BPIFB2: variants seen among roughly 807,000 people sequenced by gnomAD.
BPIFB2 encodes BPI fold-containing family B member 2.
In BPIFB2, 39 loss-of-function variants were observed where a neutral mutation model predicts 50.1. The ratio of observed to expected loss-of-function variants is 0.78; its 90% confidence interval spans 0.60 to 1.02. BPIFB2 has a LOEUF of 1.02. BPIFB2 is among the 50% of genes least tolerant of loss of function. BPIFB2 has a pLI of 0.00. For synonymous variants in BPIFB2, 280 were observed against 256.3 expected, an observed-to-expected ratio of 1.09 and a Z score of -0.88; for missense variants, 574 against 585.8, an observed-to-expected ratio of 0.98 and a Z score of 0.21.
chr20:33,018,950 T>A, intron 9 of BPIFB2, 112 bp from the exon 10 acceptor site: 1 of 1,574,320 alleles, frequency 6.4e-7, no homozygotes, highest in Non-Finnish European at 8.7e-7. Flanking sequence ...AGGGTGGCTG[T>A]TGGAAGGGTT....
intron 6 of BPIFB2, among the ~76,000 whole-genome samples, chr20:33,016,086 G>A (rs1978416736): frequency 6.6e-6 from 1 of 152,016 alleles, no homozygotes; most frequent in South Asian, 2.1e-4. Context: ...GGTAGCCCAG[G>A]GGCTAGGGTC....
At chr20:33,016,670 G>C (rs1978441985) in intron 6 of BPIFB2, among the ~76,000 whole-genome samples, 2 of 152,216 alleles carry the variant, frequency 1.3e-5, no homozygotes, top group African/African-American at 2.4e-5. Context: ...GCCTGCCTCT[G>C]CATGGGCACC....
rs76536601 is a variant in BPIFB2, at chr20:33,015,299, A to G, written c.456-137A>G. On this transcript the variant is annotated intron_variant, in intron 5 of 15. Coordinates refer to ENST00000170150, the MANE Select transcript of BPIFB2 (RefSeq NM_025227.3). ...GTTATGCCAGCACTGTGTCTGGCAG[A>G]TGGCAGGGCATCGAATGGAATTGAT... The G allele has an allele frequency of 0.019, 12,433 of 668,506 alleles. 1,172 individuals are homozygous for G. The African/African-American group carries it at 0.21, about 11-fold the overall frequency. 41.4% of individuals were successfully genotyped at this position (668,506 alleles called of 1,614,324 possible). A position where few individuals can be genotyped will look rare whatever the true frequency, so the allele number is the denominator to read the frequency against.
chr20:33,012,167 C>G (rs1250745519), intron 3 of BPIFB2, among the ~76,000 whole-genome samples: 1 of 152,084 alleles, frequency 6.6e-6, no homozygotes, highest in African/African-American at 2.4e-5. Flanking sequence ...GACATAAATA[C>G]CCAGCGACCA....
At position 33,017,109 on chromosome 20, in the gene BPIFB2, T is replaced by C; in HGVS notation, c.577+7T>C. 6.2e-7 allele frequency: 1 copy of C among 1,613,588 alleles called. No homozygotes were observed. Among genetic ancestry groups the C allele is most frequent in the Non-Finnish European group, 8.5e-7 (1 of 1,179,810 alleles). On this transcript the variant is annotated splice_region_variant and intron_variant, in intron 7 of 15. Transcript: ENST00000170150. Reference sequence around the variant, plus strand: ...CACCTGGGCACCTTAATTGGTAAGATCTGGGAGCCAGGGGAGGGGGCTGGG... The same window carrying C: ...CACCTGGGCACCTTAATTGGTAAGACCTGGGAGCCAGGGGAGGGGGCTGGG...
chr20:33,019,472 C>T (rs1978571217), intron 10 of BPIFB2, 108 bp from the exon 11 acceptor site: 5 of 1,263,992 alleles, frequency 4.0e-6, no homozygotes, highest in African/African-American at 1.5e-5. Context: ...CCTCTGTGCC[C>T]AGTCACATAC....
intron 6 of BPIFB2, among the ~76,000 whole-genome samples, chr20:33,016,587 G>C (rs1320676380): frequency 6.6e-6 from 1 of 152,140 alleles, no homozygotes; most frequent in African/African-American, 2.4e-5. Flanking sequence ...GCTGCCCATG[G>C]TGCCCAGGGA....
In BPIFB2 at chr20:33,018,687, C is replaced by G; in HGVS notation, c.720C>G (p.Thr240=). 2 of 1,614,204 alleles carry G rather than the reference C, an allele frequency of 1.2e-6. No individual in the cohort carries two copies. Among genetic ancestry groups the G allele is most frequent in the Non-Finnish European group, 1.7e-6 (2 of 1,180,032 alleles). ...CCATCATCCTGCCCACGGATGCCACCCCTTTTGTGTTGCCAAGGCATGTGG... is the reference window on the plus strand; with the variant it reads ...CCATCATCCTGCCCACGGATGCCACGCCTTTTGTGTTGCCAAGGCATGTGG... ...GKPIILPTDA[T]PFVLPRHVGT... Residue 240 remains threonine (T), a synonymous_variant, in exon 9 of 16, where the codon ACC becomes ACG. Coordinates refer to ENST00000170150, the MANE Select transcript of BPIFB2 (RefSeq NM_025227.3).
chr20:33,014,509 G>A (rs774051348), intron 5 of BPIFB2, among the ~76,000 whole-genome samples: 19 of 152,308 alleles, frequency 1.2e-4, no homozygotes, highest in Non-Finnish European at 2.2e-4. Flanking sequence ...TTACAGGAGC[G>A]CAAATGGAGG....
At chr20:33,012,083 G>A (rs997539480) in intron 3 of BPIFB2, among the ~76,000 whole-genome samples, 15 of 152,306 alleles carry the variant, frequency 9.8e-5, no homozygotes, top group Middle Eastern at 3.4e-3. Context: ...TCTGGCTTGG[G>A]GGCCACCAGT....
In BPIFB2 at chr20:33,019,145, C is replaced by T. The variant is rs376618413; in HGVS notation, c.909+30C>T. On this transcript the variant is annotated intron_variant, in intron 10 of 15. Coordinates refer to ENST00000170150, the MANE Select transcript of BPIFB2 (RefSeq NM_025227.3). The stretch of plus-strand genomic sequence containing the variant: ...GTGATGTTTCTGATCATTCCAGGGA[C>T]TGAGACAAGGGACTGGGGTGGGGGT... The T allele has an allele frequency of 5.0e-6, 8 of 1,613,768 alleles. No homozygotes were observed. In the African/African-American group the frequency reaches 9.3e-5, roughly 19 times the overall value.
intron 5 of BPIFB2, among the ~76,000 whole-genome samples, chr20:33,014,901 A>C (rs1197686334): frequency 6.6e-6 from 1 of 152,306 alleles, no homozygotes; most frequent in South Asian, 2.1e-4. Context: ...CCTCCCCCCC[A>C]GGGAGCTGGT....
Position 33,021,494 on chromosome 20 carries a change from C to T in BPIFB2, c.1258+150C>T, listed in dbSNP as rs1411400335. The stretch of plus-strand genomic sequence containing the variant: ...GTCTAGCAGCCCATGTGTGCATGCC[C>T]CTTGGCACATATCTGTGTAGCAGCT... On this transcript the variant is annotated intron_variant, in intron 14 of 15. Transcript: ENST00000170150. 4.2e-6 allele frequency: 4 copies of T among 958,080 alleles called. No individual in the cohort carries two copies. The African/African-American group carries it at 4.9e-5, about 12-fold the overall frequency. The allele number at this position is 958,080 out of a possible 1,614,324, so 59.3% of individuals were successfully genotyped here.
Position 33,019,736 on chromosome 20 carries a change from T to C in BPIFB2, c.1066T>C (p.Phe356Leu). The C allele has an allele frequency of 6.2e-7, 1 of 1,608,260 alleles. No individual in the cohort carries two copies. The highest frequency in any genetic ancestry group is 8.5e-7 in the Non-Finnish European group (1 of 1,176,946). The part of the protein sequence containing the change: ...TASNSAFQSL[F>L]SLDVVVNLRL... ...CTCCAACTCGGCTTTCCAGTCCCTC[T>C]TCTCCCTGGATGTGGTGAGTGCGGT... is the stretch of plus-strand genomic sequence containing the variant. The change falls in exon 11 of 16, where the codon TTC becomes CTC. Residue 356 changes from phenylalanine (F) to leucine (L), a missense_variant. By Grantham distance (22) the Phe-to-Leu change is conservative. Coordinates refer to ENST00000170150, the MANE Select transcript of BPIFB2 (RefSeq NM_025227.3).
chr20:33,023,042 G>A (rs1449040505), intron 15 of BPIFB2, among the ~76,000 whole-genome samples: 1 of 152,184 alleles, frequency 6.6e-6, no homozygotes, highest in Non-Finnish European at 1.5e-5. Context: ...GTTGGACTTG[G>A]AGAAGATGCT....
chr20:33,023,090 T>C (rs1261527438), intron 15 of BPIFB2, among the ~76,000 whole-genome samples: 2 of 152,184 alleles, frequency 1.3e-5, no homozygotes, highest in African/African-American at 4.8e-5. Flanking sequence ...GCATCAGTGG[T>C]ATCCACCATC....
chr20:33,019,783 A>G lies in BPIFB2; in HGVS notation c.1080+33A>G, dbSNP rs187924985. ...CGGTGGGGCTGGTCGGAAGGCAGGC[A>G]ACTGTCACAGAGACCTCCCTCCCTG... On this transcript the variant is annotated intron_variant, in intron 11 of 15. Coordinates refer to ENST00000170150, the MANE Select transcript of BPIFB2 (RefSeq NM_025227.3). 3.2e-6 allele frequency: 5 copies of G among 1,552,494 alleles called. No individual in the cohort carries two copies. The East Asian group carries it at 1.1e-4, about 35-fold the overall frequency.
chr20:33,018,926 G>A, intron 9 of BPIFB2, 104 bp downstream of exon 9: 1 of 1,567,116 alleles, frequency 6.4e-7, no homozygotes, highest in Non-Finnish European at 8.7e-7. Flanking sequence ...TGGGGCCGCT[G>A]AAGCTGGCGC....
chr20:33,021,271 G>A lies in BPIFB2; in HGVS notation c.1195-10G>A, dbSNP rs369856010. 2.0e-5 allele frequency: 33 copies of A among 1,613,696 alleles called. No homozygotes were observed. The highest frequency in any genetic ancestry group is 2.7e-5 in the African/African-American group (2 of 74,902). On this transcript the variant is annotated splice_polypyrimidine_tract_variant and intron_variant, in intron 13 of 15. Coordinates refer to ENST00000170150, the MANE Select transcript of BPIFB2 (RefSeq NM_025227.3). Reference sequence around the variant, plus strand: ...GGGACGGGCCCATCTCCCTGGCTCCGTGGCCACAGACAGATCAGGTGCGCA... The same window carrying A: ...GGGACGGGCCCATCTCCCTGGCTCCATGGCCACAGACAGATCAGGTGCGCA...
Sources: gnomAD v4.1 joint callset for allele counts (sites outside exome capture counted in the v4.1 genomes callset) on GRCh38, gnomAD v4.1.1 for gene constraint, MANE v1.5 for transcripts, NCBI Gene and HGNC (gene_info 2026-07-23, HGNC 2026-07-21) for gene names.